PTPN1: variants seen among roughly 807,000 people sequenced by gnomAD.
PTPN1 encodes tyrosine-protein phosphatase non-receptor type 1.
In PTPN1, 12 loss-of-function variants were observed where a neutral mutation model predicts 59.9. The observed-to-expected ratio is 0.20, with a 90% CI of 0.13 to 0.32. The LOEUF (loss-of-function observed/expected upper bound fraction) is 0.32. Among genes scored for constraint, PTPN1 ranks in the 10% least tolerant of loss-of-function variants. PTPN1 has a pLI of 1.00. For missense variants in PTPN1, 356 were observed against 549.2 expected (o/e 0.65, Z 3.52); for synonymous variants, 178 against 203.6 (o/e 0.87, Z 1.07).
Position 50,561,464 on chromosome 20 carries a change from A to T in PTPN1, c.154+11A>T, listed in dbSNP as rs779768753. ...GAGACGTCAGTCCCTGTAAGTATCCACGTGGCCGGTACCAGTCTTGCTCTT... is the reference window on the plus strand; with the variant it reads ...GAGACGTCAGTCCCTGTAAGTATCCTCGTGGCCGGTACCAGTCTTGCTCTT... On this transcript the variant is annotated intron_variant, in intron 2 of 9. Coordinates refer to ENST00000371621, the MANE Select transcript of PTPN1 (RefSeq NM_002827.4). 2.0e-5 allele frequency: 32 copies of T among 1,576,002 alleles called. No individual in the cohort carries two copies. Among genetic ancestry groups the T allele is most frequent in the Non-Finnish European group, 2.7e-5 (31 of 1,149,328 alleles).
chr20:50,560,921 T>C (rs950154186), intron 1 of PTPN1, among the ~76,000 whole-genome samples: 2 of 152,152 alleles, frequency 1.3e-5, no homozygotes, highest in Non-Finnish European at 2.9e-5. Context: ...AAGTACATTT[T>C]ATCTATTTTT....
rs1314282634 is a variant in PTPN1 at position 50,568,029 on chromosome 20, A to G, written c.256-351A>G. On this transcript the variant is annotated intron_variant, in intron 3 of 9. Coordinates refer to ENST00000371621, the MANE Select transcript of PTPN1 (RefSeq NM_002827.4). This position sits in a 1 kb window ranked among gnomAD's most constrained non-coding sequence, Gnocchi z 5.6. ...TGGCCACGCCCCCACACTGCCTCTC[A>G]TCTGCACCAAGGAGTTTTGTCCCAT... Among the ~76,000 whole-genome samples, 2 of 152,246 alleles carry G rather than the reference A, an allele frequency of 1.3e-5. No homozygotes were observed. Among genetic ancestry groups the G allele is most frequent in the East Asian group, 1.9e-4 (1 of 5,202 alleles).
rs539680596 is a variant in PTPN1 at position 50,530,701 on chromosome 20, T to C, written c.63+20111T>C. On this transcript the variant is annotated intron_variant, in intron 1 of 9. Transcript: ENST00000371621. ...CACGCCTGGCCAATTTTTTTTTTTT[T>C]TTTCTTTTTGAGACAGAGTTTCACT... 4.0e-5 allele frequency among the ~76,000 whole-genome samples: 6 copies of C among 151,344 alleles called. No individual in the cohort carries two copies. The South Asian group carries it at 6.3e-4, about 16-fold the overall frequency.
chr20:50,569,968 G>A (rs1294180485), intron 4 of PTPN1, among the ~76,000 whole-genome samples: 2 of 152,228 alleles, frequency 1.3e-5, no homozygotes, highest in East Asian at 3.8e-4. Context: ...AGGAGCGTGT[G>A]GCCCAGGAGC....
chr20:50,553,146 G>GA (rs1347451442), intron 1 of PTPN1, among the ~76,000 whole-genome samples: 2 of 152,156 alleles, frequency 1.3e-5, no homozygotes, highest in African/African-American at 4.8e-5. Flanking sequence ...AACAGTGCCT[G>GA]ACACACAGTA....
intron 1 of PTPN1, among the ~76,000 whole-genome samples, chr20:50,532,363 G>T (rs1200841615): frequency 6.6e-6 from 1 of 152,102 alleles, no homozygotes; most frequent in Non-Finnish European, 1.5e-5. Context: ...TCTTTGGGTC[G>T]GTTCAGCGAA....
At chr20:50,544,959 T>C (rs1170112429) in intron 1 of PTPN1, among the ~76,000 whole-genome samples, 1 of 152,136 alleles carries the variant, frequency 6.6e-6, no homozygotes, top group African/African-American at 2.4e-5. Context: ...TGAGCATAAA[T>C]TGCACCACTG....
chr20:50,511,181 C>G (rs2082505697), intron 1 of PTPN1, among the ~76,000 whole-genome samples: 1 of 152,158 alleles, frequency 6.6e-6, no homozygotes, highest in Non-Finnish European at 1.5e-5. Flanking sequence ...GTTTGCTAAT[C>G]AGGACAGGCA....
chr20:50,536,979 A>G (rs899987850), intron 1 of PTPN1, among the ~76,000 whole-genome samples: 17 of 152,216 alleles, frequency 1.1e-4, no homozygotes, highest in African/African-American at 3.9e-4. Context: ...CCAATCATAT[A>G]TTTTAGTTAA....
chr20:50,511,518 A>G (rs1479449004), intron 1 of PTPN1, among the ~76,000 whole-genome samples: 2 of 152,182 alleles, frequency 1.3e-5, no homozygotes, highest in African/African-American at 4.8e-5. Context: ...TTAACGTTTT[A>G]ACCCTCTCTA....
intron 8 of PTPN1, among the ~76,000 whole-genome samples, chr20:50,580,284 G>A: frequency 6.6e-6 from 1 of 152,206 alleles, no homozygotes; most frequent in East Asian, 1.9e-4. Context: ...CCAGGCTTGA[G>A]TGCCCTCAGT....
At position 50,569,355 on chromosome 20, in the gene PTPN1, G is replaced by A. The variant is rs560898924; in HGVS notation, c.354+877G>A. ...AGTTTCTTACCATGTTCTCTGGGCCGAGGAGTCCCAGTGCCCACGTTCATC... is the reference window on the plus strand; with the variant it reads ...AGTTTCTTACCATGTTCTCTGGGCCAAGGAGTCCCAGTGCCCACGTTCATC... On this transcript the variant is annotated intron_variant, in intron 4 of 9. Coordinates refer to ENST00000371621, the MANE Select transcript of PTPN1 (RefSeq NM_002827.4). 8.5e-5 allele frequency among the ~76,000 whole-genome samples: 13 copies of A among 152,322 alleles called. No homozygotes were observed. In the South Asian group the frequency reaches 1.5e-3, roughly 17 times the overall value.
chr20:50,567,217 A>G (rs1170216417), intron 3 of PTPN1, among the ~76,000 whole-genome samples: 1 of 152,186 alleles, frequency 6.6e-6, no homozygotes, highest in East Asian at 1.9e-4. Context: ...CACTTGGGTC[A>G]GGAGTTCGAG....
rs1306646816 is a variant in PTPN1, at chr20:50,582,835, C to T, written c.*120C>T. 61 of 1,256,328 alleles carry T rather than the reference C, an allele frequency of 4.9e-5. No individual in the cohort carries two copies. The highest frequency in any genetic ancestry group is 7.7e-5 in the South Asian group (6 of 77,926). 77.8% of individuals were successfully genotyped at this position (1,256,328 alleles called of 1,614,324 possible). On this transcript the variant is annotated 3_prime_UTR_variant, in exon 10 of 10. Coordinates refer to ENST00000371621, the MANE Select transcript of PTPN1 (RefSeq NM_002827.4). This position sits in a 1 kb window ranked among gnomAD's most constrained non-coding sequence, Gnocchi z 4.2. The stretch of plus-strand genomic sequence containing the variant: ...CCGGACCGCGTAGAGAGCCGGGCCC[C>T]GGACGGACGTTGGTTCTGCACTAAA...
chr20:50,548,452 G>T (rs151082797), intron 1 of PTPN1, among the ~76,000 whole-genome samples: 1 of 150,838 alleles, frequency 6.6e-6, no homozygotes. Context: ...ATTGAGACAG[G>T]GTCTTACTCT....
intron 1 of PTPN1, among the ~76,000 whole-genome samples, chr20:50,519,757 T>C (rs1321596735): frequency 1.3e-5 from 2 of 152,188 alleles, no homozygotes; most frequent in African/African-American, 4.8e-5. Context: ...CCAGGGTCCA[T>C]GTTAGAAGGA....
At chr20:50,517,757 C>T (rs909443807) in intron 1 of PTPN1, among the ~76,000 whole-genome samples, 3 of 152,234 alleles carry the variant, frequency 2.0e-5, no homozygotes, top group East Asian at 3.9e-4. Context: ...GGGAAATAAA[C>T]GTATTCTTTA....
chr20:50,565,297 T>C (rs2082773699), intron 3 of PTPN1, among the ~76,000 whole-genome samples: 1 of 152,196 alleles, frequency 6.6e-6, no homozygotes, highest in Non-Finnish European at 1.5e-5. Context: ...AATGAGAGCT[T>C]ATAGAAAACA....
At chr20:50,547,493 A>G (rs2082680941) in intron 1 of PTPN1, among the ~76,000 whole-genome samples, 1 of 151,912 alleles carries the variant, frequency 6.6e-6, no homozygotes, top group Non-Finnish European at 1.5e-5. Flanking sequence ...CCTCCCGAGT[A>G]GCTGGGATTA....
Sources: allele counts gnomAD v4.1 joint callset (sites outside exome capture counted in the v4.1 genomes callset), GRCh38; gene constraint gnomAD v4.1.1; non-coding constraint Gnocchi (gnomAD v3.1); transcripts MANE v1.5; gene names NCBI Gene and HGNC (gene_info 2026-07-23, HGNC 2026-07-21).